The following DCP2 variants were observed in gnomAD, a reference collection of about 807,000 sequenced individuals.
The protein encoded by DCP2 is decapping mRNA 2, also known as m7GpppN-mRNA hydrolase.
DCP2 carries 30 observed loss-of-function variants against 56.1 expected under a neutral mutation model. That is an observed-to-expected ratio of 0.53 (90% CI 0.40 to 0.73). The LOEUF (loss-of-function observed/expected upper bound fraction) is 0.73. Among genes scored for constraint, DCP2 ranks in the 30% least tolerant of loss-of-function variants. DCP2 has a pLI of 0.00. For missense variants in DCP2, 533 were observed against 502.7 expected, an observed-to-expected ratio of 1.06 and a Z score of -0.58; for synonymous variants, 197 against 163.3, an observed-to-expected ratio of 1.21 and a Z score of -1.57.
Position 113,020,852 on chromosome 5 carries a change from A to C in DCP2, c.*7368A>C, listed in dbSNP as rs904390917. On this transcript the variant is annotated 3_prime_UTR_variant, in exon 11 of 11. Coordinates refer to ENST00000389063, the MANE Select transcript of DCP2 (RefSeq NM_152624.6). ...AAGCCTTTTAATCTTACAAAATACA[A>C]TTTGAACGATGGAAGGTTGTTCAGA... 2.6e-5 allele frequency: 4 copies of C among 152,222 alleles called. No homozygotes were observed. The highest frequency in any genetic ancestry group is 2.9e-5 in the Non-Finnish European group (2 of 68,038). The allele number at this position is 152,222 out of a possible 1,614,324, so 9.4% of individuals were successfully genotyped here.
Position 113,019,649 on chromosome 5 carries a change from C to T in DCP2, c.*6165C>T, listed in dbSNP as rs1380765316. 2 of 152,078 alleles carry T rather than the reference C, an allele frequency of 1.3e-5. No individual in the cohort carries two copies. The highest frequency in any genetic ancestry group is 1.9e-4 in the East Asian group (1 of 5,198). The allele number at this position is 152,078 out of a possible 1,614,324, so 9.4% of individuals were successfully genotyped here. On this transcript the variant is annotated 3_prime_UTR_variant, in exon 11 of 11. Coordinates refer to ENST00000389063, the MANE Select transcript of DCP2 (RefSeq NM_152624.6). ...CTTCAGTAACAAAAACAGGGAAGGA[C>T]AATAAAACCATGAACTATTTTGCTT...
chr5:112,992,358 T>G (rs1413329107), intron 3 of DCP2, 110 bp downstream of exon 3: 4 of 1,369,620 alleles, frequency 2.9e-6, no homozygotes, highest in African/African-American at 3.0e-5. Context: ...TATACTTAGA[T>G]TTTTAGTGCT....
intron 2 of DCP2, among the ~76,000 whole-genome samples, chr5:112,990,148 T>C (rs776860120): frequency 2.5e-4 from 38 of 152,182 alleles, no homozygotes; most frequent in Non-Finnish European, 8.8e-5. Flanking sequence ...TGGGTTCTGT[T>C]ATGGGCCAGT....
At position 112,976,858 on chromosome 5, in the gene DCP2, C is replaced by T. The variant is rs759554427; in HGVS notation, c.-76C>T. 3 of 1,498,512 alleles carry T rather than the reference C, an allele frequency of 2.0e-6. No homozygotes were observed. Among genetic ancestry groups the T allele is most frequent in the East Asian group, 2.3e-5 (1 of 44,340 alleles). The allele number at this position is 1,498,512 out of a possible 1,614,324, so 92.8% of individuals were successfully genotyped here. On this transcript the variant is annotated 5_prime_UTR_variant, in exon 1 of 11. Transcript: ENST00000389063. ...CTCGGCTGCCAGCTCTCCGGCGAGC[C>T]GGAGTCCTAGTGCCGTACCGTCAGT...
At chr5:113,010,004 C>T (rs1749610097) in intron 9 of DCP2, among the ~76,000 whole-genome samples, 1 of 142,016 alleles carries the variant, frequency 7.0e-6, no homozygotes, top group South Asian at 2.2e-4. Flanking sequence ...CCTTGAACTT[C>T]TGGGCTCAAG....
intron 2 of DCP2, among the ~76,000 whole-genome samples, chr5:112,990,915 A>G (rs1424357145): frequency 3.3e-5 from 5 of 152,200 alleles, no homozygotes; most frequent in South Asian, 2.1e-4. Flanking sequence ...TTTCATCACA[A>G]TGTGAATGAA....
At chr5:113,008,422 TAAA>T (rs974336781) in intron 9 of DCP2, 2 of 158,246 alleles carry the variant, frequency 1.3e-5, no homozygotes, top group Admixed American at 6.4e-5. Flanking sequence ...GTTTAGAAAA[TAAA>T]AAAAACACAG....
At chr5:112,984,707 T>TATATATATATATATATATATATATAC (rs1748184183) in intron 1 of DCP2, 1 of 121,584 alleles carries the variant, frequency 8.2e-6, no homozygotes, top group Non-Finnish European at 1.7e-5. Flanking sequence ...AAAAAAAATA[T>TATATATATATATATATATATATATAC]ATATATATAT....
At chr5:113,013,032 C>G (rs541822432) in intron 10 of DCP2, among the ~76,000 whole-genome samples, 5 of 152,046 alleles carry the variant, frequency 3.3e-5, no homozygotes, top group African/African-American at 1.2e-4. Context: ...ATAGGTAAAG[C>G]ACATACAGGA....
intron 2 of DCP2, among the ~76,000 whole-genome samples, chr5:112,987,620 CTTTTT>C (rs562254738): frequency 8.6e-5 from 6 of 69,732 alleles, no homozygotes; most frequent in Admixed American, 3.8e-4. Flanking sequence ...ACCTAGGTGC[CTTTTT>C]TTTTTTTTTT....
intron 4 of DCP2, among the ~76,000 whole-genome samples, chr5:112,995,213 A>G (rs1395632294): frequency 6.6e-6 from 1 of 152,208 alleles, no homozygotes; most frequent in East Asian, 1.9e-4. Flanking sequence ...GTATGAGTAA[A>G]TGAAGGTTAA....
intron 1 of DCP2, among the ~76,000 whole-genome samples, chr5:112,981,398 C>G (rs547130301): frequency 4.6e-5 from 7 of 152,138 alleles, no homozygotes; most frequent in African/African-American, 1.7e-4. Context: ...TGATTAGTGC[C>G]TCATTTTTTC....
intron 4 of DCP2, among the ~76,000 whole-genome samples, chr5:112,994,108 T>A (rs1279853341): frequency 6.6e-6 from 1 of 151,522 alleles, no homozygotes; most frequent in African/African-American, 2.4e-5. Flanking sequence ...GGCCTTAGTT[T>A]CTTAAAATGA....
At chr5:113,006,872 C>T (rs1749462771) in intron 8 of DCP2, among the ~76,000 whole-genome samples, 1 of 152,136 alleles carries the variant, frequency 6.6e-6, no homozygotes, top group Admixed American at 6.6e-5. Flanking sequence ...TTGGCTCACA[C>T]CTGTAATTCT....
intron 4 of DCP2, among the ~76,000 whole-genome samples, chr5:112,993,162 G>T (rs1364180419): frequency 6.6e-6 from 1 of 151,986 alleles, no homozygotes; most frequent in African/African-American, 2.4e-5. Context: ...GACATTTGTT[G>T]CTGAAAACCC....
In DCP2 at chr5:112,976,880, C is replaced by CA; in HGVS notation, c.-53dup. ...AGCCGGAGTCCTAGTGCCGTACCGT[C>CA]AGTCCCCGGCCGCGCGGAGCCGGGA... On this transcript the variant is annotated 5_prime_UTR_variant, in exon 1 of 11. Coordinates refer to ENST00000389063, the MANE Select transcript of DCP2 (RefSeq NM_152624.6). The CA allele has an allele frequency of 6.3e-7, 1 of 1,588,096 alleles. No individual in the cohort carries two copies. Among genetic ancestry groups the CA allele is most frequent in the Non-Finnish European group, 8.6e-7 (1 of 1,156,234 alleles).
chr5:112,982,963 C>T (rs1486651737), intron 1 of DCP2, among the ~76,000 whole-genome samples: 2 of 152,260 alleles, frequency 1.3e-5, no homozygotes, highest in East Asian at 3.9e-4. Flanking sequence ...GGAGCTGGCT[C>T]TTACACTTGA....
In DCP2 at chr5:113,017,541, G is replaced by A. The variant is rs1346380695; in HGVS notation, c.*4057G>A. On this transcript the variant is annotated 3_prime_UTR_variant, in exon 11 of 11. Transcript: ENST00000389063. Reference sequence around the variant, plus strand: ...TTCCTAGAATTGAGTTGCTCTTGAAGTCTGTACTCCTGTGTCAGAAAGATG... The same window carrying A: ...TTCCTAGAATTGAGTTGCTCTTGAAATCTGTACTCCTGTGTCAGAAAGATG... 2 of 152,158 alleles carry A rather than the reference G, an allele frequency of 1.3e-5. No individual in the cohort carries two copies. The allele number at this position is 152,158 out of a possible 1,614,324, so 9.4% of individuals were successfully genotyped here. A position where few individuals can be genotyped will look rare whatever the true frequency, so the allele number is the denominator to read the frequency against.
At chr5:113,004,168 CAG>C (rs1256593810) in intron 8 of DCP2, 91 bp downstream of exon 8, 9 of 1,428,046 alleles carry the variant, frequency 6.3e-6, no homozygotes, top group Admixed American at 2.1e-5. Flanking sequence ...TTAATAGTTA[CAG>C]AGAGCTCTGA....
Sources: gnomAD v4.1 joint callset for allele counts (sites outside exome capture counted in the v4.1 genomes callset) on GRCh38, gnomAD v4.1.1 for gene constraint, MANE v1.5 for transcripts, NCBI Gene and HGNC (gene_info 2026-07-23, HGNC 2026-07-21) for gene names.